The following SPEF2 variants were observed in gnomAD, a reference collection of about 807,000 sequenced individuals.
SPEF2 encodes the protein sperm flagella and cilia-associated protein 2.
A neutral mutation model predicts 224.6 loss-of-function variants in SPEF2; 187 were observed. That is an observed-to-expected ratio of 0.83 (90% confidence interval 0.74 to 0.94). The LOEUF is 0.94. Ranked by LOEUF, SPEF2 falls within the 40% of genes least tolerant of loss-of-function variation. The pLI, the probability that SPEF2 is intolerant of heterozygous loss-of-function variation, is 0.00. For missense variants in SPEF2, 2,170 were observed against 2,135.6 expected, an observed-to-expected ratio of 1.02 and a Z score of -0.32; for synonymous variants, 715 against 707.3, an observed-to-expected ratio of 1.01 and a Z score of -0.17.
intron 29 of SPEF2, 35 bp from the exon 30 acceptor site, chr5:35,779,082 C>T: frequency 6.7e-7 from 1 of 1,494,562 alleles, no homozygotes; most frequent in Non-Finnish European, 9.1e-7. Context: ...TAGTATCTTT[C>T]ATGGGGTTAA....
chr5:35,713,081 G>A (rs1456352786), intron 20 of SPEF2, among the ~76,000 whole-genome samples, 195 bp downstream of exon 20: 1 of 152,168 alleles, frequency 6.6e-6, no homozygotes, highest in Non-Finnish European at 1.5e-5. Context: ...GCTGAGAAAA[G>A]TGATGCTTGC....
At chr5:35,653,614 G>C (rs1211558112) in intron 6 of SPEF2, among the ~76,000 whole-genome samples, 1 of 152,062 alleles carries the variant, frequency 6.6e-6, no homozygotes, top group East Asian at 1.9e-4. Context: ...GCAGGAAGAA[G>C]AGGAAAAGAA....
At chr5:35,709,505 G>T (rs1008150837) in intron 19 of SPEF2, 1 of 991,116 alleles carries the variant, frequency 1.0e-6, no homozygotes, top group Non-Finnish European at 1.2e-6. Flanking sequence ...ATAAGAATGA[G>T]TATAGCTGGT....
intron 30 of SPEF2, chr5:35,788,822 AATG>A: frequency 1.4e-6 from 1 of 702,918 alleles, no homozygotes; most frequent in Non-Finnish European, 2.6e-6. Flanking sequence ...TCCTCTGTAC[AATG>A]ATGTCAAAGA....
At chr5:35,705,902 C>A in intron 18 of SPEF2, 94 bp downstream of exon 18, 1 of 784,754 alleles carries the variant, frequency 1.3e-6, no homozygotes, top group Non-Finnish European at 1.9e-6. Flanking sequence ...TTGAAAAGTT[C>A]TTTCTTATCT....
At chr5:35,754,943 C>T (rs976016425) in intron 24 of SPEF2, among the ~76,000 whole-genome samples, 1 of 152,222 alleles carries the variant, frequency 6.6e-6, no homozygotes, top group African/African-American at 2.4e-5. Flanking sequence ...CATCAAAGGA[C>T]CAATACATGC....
chr5:35,740,920 C>G (rs1561290388), intron 23 of SPEF2, among the ~76,000 whole-genome samples: 1 of 152,178 alleles, frequency 6.6e-6, no homozygotes, highest in Non-Finnish European at 1.5e-5. Context: ...CAGAGGGATA[C>G]CTTGCCACTA....
At chr5:35,749,739 G>A (rs557715103) in intron 23 of SPEF2, among the ~76,000 whole-genome samples, 42 of 152,116 alleles carry the variant, frequency 2.8e-4, no homozygotes, top group Non-Finnish European at 5.0e-4. Flanking sequence ...CCATGCTCAC[G>A]GATGAGTAGA....
chr5:35,685,284 A>G (rs549696369), intron 10 of SPEF2, among the ~76,000 whole-genome samples: 10 of 152,154 alleles, frequency 6.6e-5, no homozygotes, highest in Non-Finnish European at 1.3e-4. Flanking sequence ...GGGTTTTAAA[A>G]ATTTGTTTCA....
At chr5:35,811,767 CTTTT>C (rs1203514196) in intron 36 of SPEF2, among the ~76,000 whole-genome samples, 1 of 115,436 alleles carries the variant, frequency 8.7e-6, no homozygotes, top group African/African-American at 3.6e-5. Flanking sequence ...TTTGCCATTA[CTTTT>C]TTTTTTTTTT....
chr5:35,771,370 G>A (rs1438592624), intron 26 of SPEF2, among the ~76,000 whole-genome samples: 2 of 152,090 alleles, frequency 1.3e-5, no homozygotes, highest in East Asian at 1.9e-4. Flanking sequence ...TTTGCAGGTG[G>A]GGCTTGAGAA....
At chr5:35,664,401 A>G (rs928863453) in intron 8 of SPEF2, among the ~76,000 whole-genome samples, 31 of 151,816 alleles carry the variant, frequency 2.0e-4, no homozygotes, top group South Asian at 8.3e-4. Context: ...AGGAAGGAAG[A>G]AAGGAAAGGC....
At chr5:35,622,137 T>C (rs1031162624) in intron 1 of SPEF2, among the ~76,000 whole-genome samples, 1 of 152,152 alleles carries the variant, frequency 6.6e-6, no homozygotes, top group Non-Finnish European at 1.5e-5. Flanking sequence ...TCTATGCTCC[T>C]TGTTAATTGG....
At chr5:35,710,164 T>C (rs1159404628) in intron 19 of SPEF2, 2 of 984,838 alleles carry the variant, frequency 2.0e-6, no homozygotes, top group Non-Finnish European at 2.4e-6. Flanking sequence ...CACAAAGACA[T>C]GAATTAAACA....
At chr5:35,622,933 G>A (rs926937482) in intron 1 of SPEF2, among the ~76,000 whole-genome samples, 3 of 152,148 alleles carry the variant, frequency 2.0e-5, no homozygotes, top group Middle Eastern at 3.2e-3. Context: ...TTATGATAAA[G>A]CCTTCAAAGG....
At chr5:35,664,813 G>A (rs1164760922) in intron 8 of SPEF2, among the ~76,000 whole-genome samples, 2 of 96,170 alleles carry the variant, frequency 2.1e-5, no homozygotes, top group African/African-American at 4.2e-5. Flanking sequence ...AGAGGAAGAG[G>A]GAGAGGGAGA....
chr5:35,704,550 A>T lies in SPEF2; in HGVS notation c.2399-4A>T, dbSNP rs1325177078. 2.5e-6 allele frequency: 4 copies of T among 1,590,986 alleles called. No homozygotes were observed. In the South Asian group the frequency reaches 3.5e-5, roughly 14 times the overall value. On this transcript the variant is annotated splice_polypyrimidine_tract_variant and splice_region_variant and intron_variant, in intron 16 of 36. Coordinates refer to ENST00000356031, the MANE Select transcript of SPEF2 (RefSeq NM_024867.4). ...TATCTAATTAAATAAATTTTATACC[A>T]TAGCTGAAGAATTGTCCTATAAAAC...
At chr5:35,744,060 C>T (rs1309116639) in intron 23 of SPEF2, among the ~76,000 whole-genome samples, 9 of 152,132 alleles carry the variant, frequency 5.9e-5, no homozygotes, top group South Asian at 4.1e-4. Context: ...TTGACTTCTA[C>T]CTGATATCAA....
At position 35,669,998 on chromosome 5, in the gene SPEF2, A is replaced by G. The variant is rs543669990; in HGVS notation, c.1356-61A>G. On this transcript the variant is annotated intron_variant, in intron 9 of 36. Transcript: ENST00000356031. ...TTACATAAATATAATAAAAATACCA[A>G]TGTTTAAAATCTATATTTGACTAAC... is the stretch of plus-strand genomic sequence containing the variant. 992 of 1,284,422 alleles carry G rather than the reference A, an allele frequency of 7.7e-4. 4 individuals are homozygous for G. Among genetic ancestry groups the G allele is most frequent in the African/African-American group, 1.6e-3 (102 of 65,744 alleles). The allele number at this position is 1,284,422 out of a possible 1,614,324, so 79.6% of individuals were successfully genotyped here. A position where few individuals can be genotyped will look rare whatever the true frequency, so the allele number is the denominator to read the frequency against.
Sources: gnomAD v4.1 joint callset for allele counts (sites outside exome capture counted in the v4.1 genomes callset) on GRCh38, gnomAD v4.1.1 for gene constraint, MANE v1.5 for transcripts, NCBI Gene and HGNC (gene_info 2026-07-23, HGNC 2026-07-21) for gene names.